Variants in VASH2 observed in about 807,000 individuals in gnomAD.
VASH2 encodes tubulinyl-Tyr carboxypeptidase 2.
VASH2 carries 28 observed loss-of-function variants against 37.2 expected under a neutral mutation model. The ratio of observed to expected loss-of-function variants is 0.75; its 90% CI spans 0.56 to 1.03. The LOEUF (loss-of-function observed/expected upper bound fraction) is 1.03, where lower values mean the gene tolerates loss of function less well. Ranked by LOEUF, VASH2 falls within the 50% of genes least tolerant of loss-of-function variation. VASH2 has a pLI of 0.00. For synonymous variants in VASH2, 188 were observed against 174.7 expected, an observed-to-expected ratio of 1.08 and a Z score of -0.60; for missense variants, 419 against 459.1, an observed-to-expected ratio of 0.91 and a Z score of 0.80.
chr1:212,968,870 T>TCAACAA, intron 5 of VASH2: 1 of 985,446 alleles, frequency 1.0e-6, no homozygotes, highest in Non-Finnish European at 1.2e-6. Context: ...GACTCTTTGT[T>TCAACAA]GAGGGGTGTC....
intron 3 of VASH2, among the ~76,000 whole-genome samples, chr1:212,964,463 G>A (rs1301142709): frequency 6.6e-6 from 1 of 152,166 alleles, no homozygotes; most frequent in Non-Finnish European, 1.5e-5. Flanking sequence ...AGGCAGAAGA[G>A]CAAAACCTAC....
At position 212,973,819 on chromosome 1, in the gene VASH2, A is replaced by G. The variant is rs1667092693; in HGVS notation, c.880-136A>G. On this transcript the variant is annotated intron_variant, in intron 6 of 7. Coordinates refer to ENST00000517399, the MANE Select transcript of VASH2 (RefSeq NM_001301056.2). ...GTGTGTGTCTCCAGCCTCCTTTTTT[A>G]GAAGTCTTCCTGCTCAATGCCTTCT... 5 of 1,427,146 alleles carry G rather than the reference A, an allele frequency of 3.5e-6. No individual in the cohort carries two copies. The East Asian group carries it at 7.7e-5, about 22-fold the overall frequency. The allele number at this position is 1,427,146 out of a possible 1,614,324, so 88.4% of individuals were successfully genotyped here.
chr1:212,967,469 C>T, intron 5 of VASH2: 1 of 1,160,520 alleles, frequency 8.6e-7, no homozygotes, highest in African/African-American at 1.6e-5. Context: ...AAGACAGGAG[C>T]TTGAGAGATG....
rs148952061 is a variant in VASH2 at position 212,954,262 on chromosome 1, C to T, written c.276+2444C>T. 3.3e-3 allele frequency among the ~76,000 whole-genome samples: 502 copies of T among 152,260 alleles called. 3 individuals carry two copies. Among genetic ancestry groups the T allele is most frequent in the African/African-American group, 0.012 (486 of 41,558 alleles). Reference sequence around the variant, plus strand: ...GCTCCCAGACCAACTCACCCTCCTCCTTCTGAGACAATTCCTAGTTTGTCA... The same window carrying T: ...GCTCCCAGACCAACTCACCCTCCTCTTTCTGAGACAATTCCTAGTTTGTCA... On this transcript the variant is annotated intron_variant, in intron 2 of 7. Transcript: ENST00000517399.
chr1:212,985,916 G>A (rs1381364335), intron 7 of VASH2, among the ~76,000 whole-genome samples: 1 of 152,312 alleles, frequency 6.6e-6, no homozygotes, highest in South Asian at 2.1e-4. Context: ...CAGGGAGGCT[G>A]GAAGATGTAC....
intron 5 of VASH2, chr1:212,968,088 T>A: frequency 1.9e-6 from 1 of 527,172 alleles, no homozygotes; most frequent in Non-Finnish European, 2.4e-6. Flanking sequence ...AGGATCGGAT[T>A]TAGGGAAAGA....
intron 5 of VASH2, among the ~76,000 whole-genome samples, chr1:212,966,783 AGT>A (rs1228592729): frequency 6.6e-6 from 1 of 152,252 alleles, no homozygotes; most frequent in Non-Finnish European, 1.5e-5. Flanking sequence ...TTGAAAATTC[AGT>A]GATATGATCT....
In VASH2 at chr1:212,990,668, AAAG is replaced by A. The variant is rs2075849645; in HGVS notation, c.*2088_*2090del. On this transcript the variant is annotated 3_prime_UTR_variant, in exon 8 of 8. Coordinates refer to ENST00000517399, the MANE Select transcript of VASH2 (RefSeq NM_001301056.2). ...AATACAAACTCTGTAATATGCTGAT[AAAG>A]AAGCCTTAGAACTGCCAACTGGCTT... 1 of 152,240 alleles carries A rather than the reference AAAG, an allele frequency of 6.6e-6. No homozygotes were observed. Among genetic ancestry groups the A allele is most frequent in the Non-Finnish European group, 1.5e-5 (1 of 68,046 alleles). 9.4% of individuals were successfully genotyped at this position (152,240 alleles called of 1,614,324 possible).
At chr1:212,966,021 A>G in intron 4 of VASH2, 1 of 600,398 alleles carries the variant, frequency 1.7e-6, no homozygotes, top group East Asian at 2.8e-5. Context: ...CTGCCTCTCG[A>G]GGCTTCATTT....
At chr1:212,980,929 T>C (rs1667320366) in intron 7 of VASH2, among the ~76,000 whole-genome samples, 1 of 152,180 alleles carries the variant, frequency 6.6e-6, no homozygotes, top group Non-Finnish European at 1.5e-5. Flanking sequence ...GGGAAATTCA[T>C]ATGGCCCAGA....
At chr1:212,954,620 A>G (rs1260852754) in intron 2 of VASH2, among the ~76,000 whole-genome samples, 2 of 152,132 alleles carry the variant, frequency 1.3e-5, no homozygotes, top group South Asian at 2.1e-4. Flanking sequence ...GAGTTTCACC[A>G]TATTGGTCAG....
rs988997245 is a variant in VASH2 at position 212,990,286 on chromosome 1, G to T, written c.*1702G>T. The T allele has an allele frequency of 1.2e-4, 18 of 152,096 alleles. No individual in the cohort carries two copies. The highest frequency in any genetic ancestry group is 5.9e-4 in the Admixed American group (9 of 15,278). 9.4% of individuals were successfully genotyped at this position (152,096 alleles called of 1,614,324 possible). A position where few individuals can be genotyped will look rare whatever the true frequency, so the allele number is the denominator to read the frequency against. The stretch of plus-strand genomic sequence containing the variant: ...TCCATTAGATTAAAATGTAGCACAG[G>T]GTTAAAAATTATCAGTTTAATCTCT... On this transcript the variant is annotated 3_prime_UTR_variant, in exon 8 of 8. Transcript: ENST00000517399.
chr1:212,985,641 T>C (rs970620902), intron 7 of VASH2, among the ~76,000 whole-genome samples: 2 of 151,940 alleles, frequency 1.3e-5, no homozygotes, highest in Non-Finnish European at 2.9e-5. Flanking sequence ...GGTCTCAAAC[T>C]CCTGATCTCA....
intron 7 of VASH2, among the ~76,000 whole-genome samples, chr1:212,982,833 CAGA>C (rs1257367960): frequency 3.9e-5 from 6 of 152,278 alleles, no homozygotes; most frequent in East Asian, 3.9e-4. Flanking sequence ...GGTGGGGATA[CAGA>C]AGAAGAAGAT....
chr1:212,973,730 C>CATCTGTAT, intron 6 of VASH2: 1 of 1,330,820 alleles, frequency 7.5e-7, no homozygotes, highest in Non-Finnish European at 9.7e-7. Context: ...ACAATGTGAC[C>CATCTGTAT]ATCTGTATAT....
Position 212,959,983 on chromosome 1 carries a change from C to CT in VASH2, c.277-1182dup, listed in dbSNP as rs1398456375. Among the ~76,000 whole-genome samples the CT allele has an allele frequency of 2.6e-5, 4 of 152,226 alleles. No individual in the cohort carries two copies. The East Asian group carries it at 7.7e-4, about 29-fold the overall frequency. On this transcript the variant is annotated intron_variant, in intron 2 of 7. Coordinates refer to ENST00000517399, the MANE Select transcript of VASH2 (RefSeq NM_001301056.2). ...CCCCACCCACGTGGGCTGAGATTCT[C>CT]TGTCACCAAGGACCCCAGGGAGACA...
intron 5 of VASH2, 88 bp from the exon 6 acceptor site, chr1:212,972,492 C>A: frequency 6.5e-7 from 1 of 1,532,090 alleles, no homozygotes; most frequent in Non-Finnish European, 8.8e-7. Flanking sequence ...GATGGACTCA[C>A]TGAACCCTGA....
At chr1:212,963,157 G>A (rs908634914) in intron 3 of VASH2, among the ~76,000 whole-genome samples, 3 of 152,170 alleles carry the variant, frequency 2.0e-5, no homozygotes, top group Admixed American at 1.3e-4. Context: ...CTGTAAACCT[G>A]ACAGCATATT....
intron 7 of VASH2, among the ~76,000 whole-genome samples, chr1:212,980,220 T>A (rs1356749077): frequency 6.6e-6 from 1 of 152,250 alleles, no homozygotes; most frequent in Non-Finnish European, 1.5e-5. Flanking sequence ...GACTCTTGGC[T>A]TGCTGCCTAT....
Sources: gnomAD v4.1 joint callset for allele counts (sites outside exome capture counted in the v4.1 genomes callset) on GRCh38, gnomAD v4.1.1 for gene constraint, MANE v1.5 for transcripts, NCBI Gene and HGNC (gene_info 2026-07-23, HGNC 2026-07-21) for gene names.